CCT4: variants seen among roughly 807,000 people sequenced by gnomAD.
CCT4 encodes the protein T-complex protein 1 subunit delta.
A neutral mutation model predicts 62.5 loss-of-function variants in CCT4; 17 were observed. The ratio of observed to expected loss-of-function variants is 0.27; its 90% CI spans 0.19 to 0.41. The LOEUF (loss-of-function observed/expected upper bound fraction) is 0.41, where lower values mean the gene tolerates loss of function less well. Ranked by LOEUF, CCT4 falls within the 10% of genes least tolerant of loss-of-function variation. CCT4 has a pLI of 1.00. For synonymous variants in CCT4, 250 were observed against 229.9 expected (o/e 1.09, Z -0.79); for missense variants, 592 against 659.2 (o/e 0.90, Z 1.12).
intron 7 of CCT4, among the ~76,000 whole-genome samples, chr2:61,876,457 A>T (rs556049214): frequency 6.6e-6 from 1 of 152,190 alleles, no homozygotes. Context: ...TTTGCAAGTA[A>T]ATTTTTTATA....
rs1392462910 is a variant in CCT4, at chr2:61,876,118, A to G, written c.894T>C (p.Leu298=). 7 of 1,604,282 alleles carry G rather than the reference A, an allele frequency of 4.4e-6. No individual in the cohort carries two copies. The highest frequency in any genetic ancestry group is 1.3e-5 in the African/African-American group (1 of 74,696). ...KQIKKTGCNV[L]LIQKSILRDA... ...ACCTTAGAATAGATTTCTGTATGAG[A>G]AGGACATTACATCCTGTTTTTTTAA... is the stretch of plus-strand genomic sequence containing the variant. Residue 298 remains leucine (L), a synonymous_variant, in exon 8 of 14, where the codon CTT becomes CTC. Coordinates refer to ENST00000394440, the MANE Select transcript of CCT4 (RefSeq NM_006430.4).
intron 8 of CCT4, among the ~76,000 whole-genome samples, chr2:61,873,518 T>C (rs778451882): frequency 3.9e-5 from 6 of 152,148 alleles, no homozygotes; most frequent in Non-Finnish European, 8.8e-5. Flanking sequence ...AATGACACTA[T>C]AAAACACACG....
chr2:61,880,796 C>A (rs1028252834), intron 3 of CCT4, among the ~76,000 whole-genome samples: 1 of 152,134 alleles, frequency 6.6e-6, no homozygotes, highest in African/African-American at 2.4e-5. Context: ...GCCTCCACCT[C>A]CTGGGCTCAA....
intron 7 of CCT4, 68 bp downstream of exon 7, chr2:61,876,852 A>T: frequency 7.5e-7 from 1 of 1,339,314 alleles, no homozygotes; most frequent in Non-Finnish European, 1.0e-6. Context: ...TTCTATTTTT[A>T]ATAAAGAAAT....
chr2:61,888,233 TA>T, intron 1 of CCT4, 147 bp downstream of exon 1: 1 of 956,972 alleles, frequency 1.0e-6, no homozygotes, highest in Non-Finnish European at 1.5e-6. Flanking sequence ...AAAACAGAAA[TA>T]AGGATCCCTC....
In CCT4 at chr2:61,871,327, C is replaced by T. The variant is rs917918966; in HGVS notation, c.1491+755G>A. Among the ~76,000 whole-genome samples the T allele has an allele frequency of 1.1e-4, 17 of 152,190 alleles. No homozygotes were observed. In the East Asian group the frequency reaches 3.1e-3, roughly 28 times the overall value. On this transcript the variant is annotated intron_variant, in intron 12 of 13. Coordinates refer to ENST00000394440, the MANE Select transcript of CCT4 (RefSeq NM_006430.4). ...AGCTGGGATTACAGGCGTGAGCCAC[C>T]ACGTCAGGCCTATTAATAATAGCTT...
chr2:61,885,247 GT>G (rs1669225467), intron 1 of CCT4, among the ~76,000 whole-genome samples, 175 bp from the exon 2 acceptor site: 1 of 151,730 alleles, frequency 6.6e-6, no homozygotes, highest in African/African-American at 2.4e-5. Context: ...AAAGAATAGA[GT>G]TTTTTTCCCC....
intron 4 of CCT4, 80 bp downstream of exon 4, chr2:61,880,206 T>C (rs1669083798): frequency 1.6e-6 from 1 of 640,100 alleles, no homozygotes; most frequent in Admixed American, 2.9e-5. Flanking sequence ...AATCCCATAT[T>C]ACTTATGAAT....
rs764542502 is a variant in CCT4 at position 61,868,696 on chromosome 2, C to T, written c.1616G>A (p.Arg539Gln). ...GGTGCTAGTCAGTTATCCAGATTATCGAGTGTTTACCTGATAAGAGAAAAA... is the reference window on the plus strand; with the variant it reads ...GGTGCTAGTCAGTTATCCAGATTATTGAGTGTTTACCTGATAAGAGAAAAA... ...ILKIDDVVNT[R>Q] Residue 539 changes from arginine to glutamine, a missense_variant, in exon 14 of 14, where the codon CGA (arginine) becomes CAA (glutamine). Arg to Gln is a conservative substitution (Grantham distance 43). Around this residue, in one of 3 missense-constraint regions of CCT4, gnomAD observed 522 missense variants for 571.2 expected, o/e 0.91. Coordinates refer to ENST00000394440, the MANE Select transcript of CCT4 (RefSeq NM_006430.4). The T allele has an allele frequency of 4.4e-6, 7 of 1,592,120 alleles. No individual in the cohort carries two copies. Among genetic ancestry groups the T allele is most frequent in the Admixed American group, 3.3e-5 (2 of 59,988 alleles).
chr2:61,883,211 C>G (rs1343116318), intron 3 of CCT4, among the ~76,000 whole-genome samples: 1 of 152,048 alleles, frequency 6.6e-6, no homozygotes, highest in African/African-American at 2.4e-5. Context: ...ATCACAAGGT[C>G]AGGAGTTTGA....
At chr2:61,883,817 A>ACAC (rs1558508350) in intron 2 of CCT4, among the ~76,000 whole-genome samples, 2 of 131,256 alleles carry the variant, frequency 1.5e-5, no homozygotes. Flanking sequence ...CACACACACA[A>ACAC]AAGGAAAAAT....
chr2:61,876,475 A>C (rs1669004552), intron 7 of CCT4, among the ~76,000 whole-genome samples: 1 of 152,226 alleles, frequency 6.6e-6, no homozygotes, highest in Non-Finnish European at 1.5e-5. Flanking sequence ...ATAACCAAAA[A>C]ATATAAAATG....
chr2:61,868,497 TA>T lies in CCT4; in HGVS notation c.*194del. On this transcript the variant is annotated 3_prime_UTR_variant, in exon 14 of 14. Transcript: ENST00000394440. ...GAAATAACAGAATGTTGGGAGAAGA[TA>T]AATCTGCCTTTTGAAACCAAATATT... The T allele has an allele frequency of 3.9e-6, 2 of 510,766 alleles. No individual in the cohort carries two copies. Among genetic ancestry groups the T allele is most frequent in the Non-Finnish European group, 7.0e-6 (2 of 286,086 alleles). 31.6% of individuals were successfully genotyped at this position (510,766 alleles called of 1,614,324 possible). A position where few individuals can be genotyped will look rare whatever the true frequency, so the allele number is the denominator to read the frequency against.
chr2:61,873,054 G>A lies in CCT4; in HGVS notation c.1073C>T (p.Ser358Phe), dbSNP rs760963243. Reference protein sequence around the residue: ...IDQFTADMLGSAELAEEVNLN... With the variant: ...IDQFTADMLGFAELAEEVNLN... Reference sequence around the variant, plus strand: ...ATTGACCTCCTCAGCTAACTCAGCAGAACCCAGCATGTCAGCAGTAAATTG... The same window carrying A: ...ATTGACCTCCTCAGCTAACTCAGCAAAACCCAGCATGTCAGCAGTAAATTG... Residue 358 changes from serine to phenylalanine, a missense_variant, in exon 10 of 14, where the codon TCT becomes TTT. Around this residue, in one of 3 missense-constraint regions of CCT4, gnomAD observed 522 missense variants for 571.2 expected, o/e 0.91. Transcript: ENST00000394440. 5 of 1,613,486 alleles carry A rather than the reference G, an allele frequency of 3.1e-6. No individual in the cohort carries two copies. In the Admixed American group the frequency reaches 6.7e-5, roughly 22 times the overall value.
At position 61,879,028 on chromosome 2, in the gene CCT4, T is replaced by G; in HGVS notation, c.380-17A>C. The G allele has an allele frequency of 6.4e-7, 1 of 1,572,652 alleles. No homozygotes were observed. ...GATGAATCCCTGTAATTTGTGAAAGTCTAGTTATTTAATTGTAACAGGTAA... is the reference window on the plus strand; with the variant it reads ...GATGAATCCCTGTAATTTGTGAAAGGCTAGTTATTTAATTGTAACAGGTAA... On this transcript the variant is annotated splice_polypyrimidine_tract_variant and intron_variant, in intron 4 of 13. Coordinates refer to ENST00000394440, the MANE Select transcript of CCT4 (RefSeq NM_006430.4).
chr2:61,873,397 A>T (rs576867176), intron 8 of CCT4, 104 bp from the exon 9 acceptor site: 4 of 608,526 alleles, frequency 6.6e-6, no homozygotes, highest in African/African-American at 5.5e-5. Flanking sequence ...GCCAATCATT[A>T]TTTCTGAAGA....
chr2:61,877,625 G>T, intron 5 of CCT4, 111 bp from the exon 6 acceptor site: 1 of 780,534 alleles, frequency 1.3e-6, no homozygotes, highest in Non-Finnish European at 1.9e-6. Flanking sequence ...AGTGGGGTGT[G>T]GGTATGAAGA....
rs766262382 is a variant in CCT4 at position 61,872,330 on chromosome 2, A to G, written c.1257-14T>C. 25 of 1,554,406 alleles carry G rather than the reference A, an allele frequency of 1.6e-5. No homozygotes were observed. Among genetic ancestry groups the G allele is most frequent in the Non-Finnish European group, 2.2e-5 (25 of 1,138,602 alleles). On this transcript the variant is annotated splice_polypyrimidine_tract_variant and intron_variant, in intron 11 of 13. Coordinates refer to ENST00000394440, the MANE Select transcript of CCT4 (RefSeq NM_006430.4). ...GCAATAAGAGCCCTGAAATTCACAA[A>G]TATATTTTTAGCTTATTTTATCCAA...
At chr2:61,886,429 A>C (rs905971989) in intron 1 of CCT4, among the ~76,000 whole-genome samples, 2 of 152,182 alleles carry the variant, frequency 1.3e-5, no homozygotes, top group African/African-American at 4.8e-5. Context: ...AAACAAACCA[A>C]ACCTAACAAA....
Sources: allele counts gnomAD v4.1 joint callset (sites outside exome capture counted in the v4.1 genomes callset), GRCh38; gene constraint gnomAD v4.1.1; regional missense constraint gnomAD v4.1.1; transcripts MANE v1.5; gene names NCBI Gene and HGNC (gene_info 2026-07-23, HGNC 2026-07-21).